Variants in COMMD1 observed in about 807,000 individuals in gnomAD.
The protein encoded by COMMD1 is COMM domain-containing protein 1.
A neutral mutation model predicts 17.2 loss-of-function variants in COMMD1; 10 were observed. The ratio of observed to expected loss-of-function variants is 0.58; its 90% CI spans 0.36 to 0.99. The LOEUF is 0.99. COMMD1 is among the 50% of genes least tolerant of loss of function. The pLI is 0.01. For missense variants in COMMD1, 270 were observed against 231.8 expected (o/e 1.17, Z -1.07); for synonymous variants, 97 against 91.6 (o/e 1.06, Z -0.34).
At chr2:62,016,497 C>G (rs1020328251) in intron 2 of COMMD1, among the ~76,000 whole-genome samples, 3 of 150,198 alleles carry the variant, frequency 2.0e-5, no homozygotes, top group Admixed American at 6.6e-5. Context: ...GCATGAGCCA[C>G]TGAACCCAGC....
chr2:62,041,493 C>T (rs1463545924), intron 2 of COMMD1, among the ~76,000 whole-genome samples: 4 of 152,126 alleles, frequency 2.6e-5, no homozygotes, highest in Admixed American at 1.3e-4. Context: ...GCAGCCTTGA[C>T]CTTCCAGGCC....
intron 1 of COMMD1, among the ~76,000 whole-genome samples, chr2:61,970,089 T>G (rs929165136): frequency 6.6e-6 from 1 of 151,886 alleles, no homozygotes; most frequent in Non-Finnish European, 1.5e-5. Context: ...AAACCCCATC[T>G]CTAGTAAAAA....
intron 2 of COMMD1, among the ~76,000 whole-genome samples, chr2:62,062,064 G>C (rs1471350589): frequency 1.3e-5 from 2 of 151,730 alleles, no homozygotes; most frequent in Non-Finnish European, 2.9e-5. Context: ...GGACTGTGGA[G>C]TCAAACTGAC....
At chr2:61,995,807 A>G (rs1396395646) in intron 1 of COMMD1, among the ~76,000 whole-genome samples, 1 of 152,214 alleles carries the variant, frequency 6.6e-6, no homozygotes. Flanking sequence ...GAAGAGCACT[A>G]TAATACTATC....
chr2:61,898,201 C>A (rs1669591155), intron 1 of COMMD1, among the ~76,000 whole-genome samples: 1 of 152,196 alleles, frequency 6.6e-6, no homozygotes, highest in Admixed American at 6.5e-5. Flanking sequence ...GTTGCTGGGG[C>A]ATGGTGGCTT....
intron 1 of COMMD1, among the ~76,000 whole-genome samples, chr2:61,953,911 C>A (rs1034931743): frequency 2.6e-5 from 4 of 151,958 alleles, no homozygotes; most frequent in African/African-American, 9.7e-5. Context: ...CTGAAATAAT[C>A]AAAATCCACT....
chr2:61,915,409 C>T, intron 1 of COMMD1, among the ~76,000 whole-genome samples: 1 of 152,074 alleles, frequency 6.6e-6, no homozygotes, highest in South Asian at 2.1e-4. Context: ...ATTTTCTACC[C>T]CATTTTTCAT....
intron 1 of COMMD1, among the ~76,000 whole-genome samples, chr2:61,964,556 T>G (rs1206365324): frequency 2.7e-5 from 4 of 150,570 alleles, no homozygotes; most frequent in Non-Finnish European, 5.9e-5. Context: ...GAATTGAGGC[T>G]GGGCGTGGTG....
At chr2:61,965,341 A>C (rs1052452370) in intron 1 of COMMD1, among the ~76,000 whole-genome samples, 1 of 152,182 alleles carries the variant, frequency 6.6e-6, no homozygotes, top group African/African-American at 2.4e-5. Flanking sequence ...ATTTCTGATA[A>C]AATATGTTAT....
intron 1 of COMMD1, among the ~76,000 whole-genome samples, chr2:61,945,484 T>G (rs1259268261): frequency 6.6e-6 from 1 of 152,160 alleles, no homozygotes; most frequent in Non-Finnish European, 1.5e-5. Flanking sequence ...CAAGCACCAG[T>G]AGGCGATTTG....
chr2:61,946,135 TAAGAG>T (rs1291912418), intron 1 of COMMD1, among the ~76,000 whole-genome samples: 2 of 152,152 alleles, frequency 1.3e-5, no homozygotes, highest in South Asian at 4.1e-4. Context: ...AGATATAACT[TAAGAG>T]AAGGTTAAGC....
intron 2 of COMMD1, among the ~76,000 whole-genome samples, chr2:62,068,250 A>C (rs1362401504): frequency 6.6e-6 from 1 of 152,226 alleles, no homozygotes; most frequent in Non-Finnish European, 1.5e-5. Flanking sequence ...TGTTGAGGGG[A>C]GCAGGAGACC....
At chr2:62,065,402 G>C (rs1219130314) in intron 2 of COMMD1, among the ~76,000 whole-genome samples, 2 of 128,856 alleles carry the variant, frequency 1.6e-5, no homozygotes, top group Non-Finnish European at 3.1e-5. Flanking sequence ...CTAAAGTGCA[G>C]TGGTGTGACC....
intron 2 of COMMD1, among the ~76,000 whole-genome samples, chr2:62,019,068 CTCTTTCTCTCTCTCTT>C (rs1669535371): frequency 8.6e-6 from 1 of 116,390 alleles, no homozygotes. Context: ...CTTTCTCTCT[CTCTTTCTCTCTCTCTT>C]TCTTTCTCTC....
chr2:62,094,239 G>T (rs1249507402), intron 2 of COMMD1, among the ~76,000 whole-genome samples: 2 of 152,178 alleles, frequency 1.3e-5, no homozygotes, highest in Non-Finnish European at 2.9e-5. Context: ...CAGAAAGCAG[G>T]AGTACCTCAT....
upstream of COMMD1, chr2:61,905,649 A>G: frequency 6.6e-7 from 1 of 1,519,698 alleles, no homozygotes; most frequent in Non-Finnish European, 8.9e-7. Flanking sequence ...GGCACGGCTC[A>G]GCTGTTGCGG....
At chr2:62,018,651 A>G (rs189714584) in intron 2 of COMMD1, among the ~76,000 whole-genome samples, 8 of 152,332 alleles carry the variant, frequency 5.3e-5, no homozygotes, top group Middle Eastern at 3.4e-3. Flanking sequence ...ATATATGTAC[A>G]TTATGAAATG....
At chr2:61,888,825 C>A in exon 1 of COMMD1, 1 of 389,576 alleles carries the variant, frequency 2.6e-6, no homozygotes, top group Non-Finnish European at 4.6e-6. Flanking sequence ...TGACAACGCG[C>A]GATTTTAAAG....
At chr2:61,984,044 G>C (rs896519788) in intron 1 of COMMD1, among the ~76,000 whole-genome samples, 1 of 152,146 alleles carries the variant, frequency 6.6e-6, no homozygotes, top group Non-Finnish European at 1.5e-5. Flanking sequence ...TGTTGTTTGA[G>C]ACAGAGTCTC....
Sources: allele counts gnomAD v4.1 joint callset (sites outside exome capture counted in the v4.1 genomes callset), GRCh38; gene constraint gnomAD v4.1.1; transcripts MANE v1.5; gene names NCBI Gene and HGNC (gene_info 2026-07-23, HGNC 2026-07-21).